The following SPATA6 variants were observed in gnomAD, a reference collection of about 807,000 sequenced individuals.
SPATA6 encodes the protein spermatogenesis-associated protein 6.
Under a neutral mutation model 65.3 loss-of-function variants are expected in SPATA6, and 56 were observed. The observed-to-expected ratio is 0.86, with a 90% CI of 0.69 to 1.07. The LOEUF (loss-of-function observed/expected upper bound fraction) is 1.07. Ranked by LOEUF, SPATA6 falls within the 50% of genes least tolerant of loss-of-function variation. The probability of loss-of-function intolerance (pLI) is 0.00; values close to 1 mark genes in which losing one functional copy is unlikely to be tolerated. For missense variants in SPATA6, 590 were observed against 594.8 expected, an observed-to-expected ratio of 0.99 and a Z score of 0.08; for synonymous variants, 199 against 213.2, an observed-to-expected ratio of 0.93 and a Z score of 0.58.
chr1:48,280,468 CA>C, the SPATA6 span, among the ~76,000 whole-genome samples: 2 of 151,908 alleles, frequency 1.3e-5, no homozygotes, highest in African/African-American at 4.8e-5. Flanking sequence ...AGAGAAGAAT[CA>C]AATAGATGCA....
At chr1:48,462,008 G>A (rs899764211) in intron 1 of SPATA6, among the ~76,000 whole-genome samples, 1 of 152,188 alleles carries the variant, frequency 6.6e-6, no homozygotes, top group Non-Finnish European at 1.5e-5. Context: ...GGCATACTAT[G>A]CAGCCATAAA....
At chr1:48,313,236 T>G (rs1425013516) in intron 11 of SPATA6, among the ~76,000 whole-genome samples, 1 of 152,080 alleles carries the variant, frequency 6.6e-6, no homozygotes, top group African/African-American at 2.4e-5. Flanking sequence ...CCAAGACACA[T>G]AATTGTCAGA....
chr1:48,363,359 T>A (rs1332697784), intron 9 of SPATA6, among the ~76,000 whole-genome samples: 2 of 152,162 alleles, frequency 1.3e-5, no homozygotes, highest in East Asian at 3.9e-4. Flanking sequence ...CTTCAATGTA[T>A]CTTCAATAAT....
the SPATA6 span, among the ~76,000 whole-genome samples, chr1:48,275,611 T>C: frequency 6.6e-6 from 1 of 152,214 alleles, no homozygotes; most frequent in Non-Finnish European, 1.5e-5. Context: ...GTGGTTTTTG[T>C]CATTGTTTCT....
the SPATA6 span, among the ~76,000 whole-genome samples, chr1:48,289,643 A>G: frequency 2.0e-5 from 3 of 152,264 alleles, no homozygotes; most frequent in Non-Finnish European, 4.4e-5. Flanking sequence ...AACAGTGTAG[A>G]GAAGATCTTA....
At chr1:48,391,177 C>T (rs985820169) in intron 8 of SPATA6, among the ~76,000 whole-genome samples, 5 of 131,524 alleles carry the variant, frequency 3.8e-5, no homozygotes, top group African/African-American at 1.4e-4. Context: ...CCAGCCTAGG[C>T]AACATGGTGA....
chr1:48,354,796 A>C (rs1483039045), intron 11 of SPATA6, among the ~76,000 whole-genome samples: 2 of 151,798 alleles, frequency 1.3e-5, no homozygotes, highest in Non-Finnish European at 2.9e-5. Flanking sequence ...AGGAAACAAG[A>C]GGGGCTTCTG....
chr1:48,436,083 G>T (rs1199883090), intron 3 of SPATA6: 1 of 1,609,758 alleles, frequency 6.2e-7, no homozygotes, highest in Non-Finnish European at 8.5e-7. Context: ...CCCTTTCCTG[G>T]TCACCTCCAT....
intron 11 of SPATA6, among the ~76,000 whole-genome samples, chr1:48,324,014 A>G (rs1202908572): frequency 6.6e-6 from 1 of 152,078 alleles, no homozygotes; most frequent in Non-Finnish European, 1.5e-5. Flanking sequence ...CAGCGGTGTG[A>G]TCACAGCTCA....
Position 48,392,063 on chromosome 1 carries a change from T to C in SPATA6, c.868+3204A>G, listed in dbSNP as rs77527292. Among the ~76,000 whole-genome samples the C allele has an allele frequency of 7.1e-3, 1,078 of 152,286 alleles. 18 individuals are homozygous for C. Among genetic ancestry groups the C allele is most frequent in the African/African-American group, 0.024 (1,017 of 41,570 alleles). ...AATGAGGCTGTCCATGATGACTACATGCTATTTTATTCAGAAAATATTAAA... is the reference window on the plus strand; with the variant it reads ...AATGAGGCTGTCCATGATGACTACACGCTATTTTATTCAGAAAATATTAAA... On this transcript the variant is annotated intron_variant, in intron 8 of 12. Transcript: ENST00000371847.
At chr1:48,347,533 TA>T (rs1273509651) in intron 11 of SPATA6, among the ~76,000 whole-genome samples, 2 of 146,530 alleles carry the variant, frequency 1.4e-5, no homozygotes, top group African/African-American at 5.0e-5. Flanking sequence ...AAATTAATTA[TA>T]GTAATTAATT....
the SPATA6 span, among the ~76,000 whole-genome samples, chr1:48,273,349 T>C: frequency 1.3e-5 from 2 of 152,094 alleles, no homozygotes; most frequent in East Asian, 3.9e-4. Context: ...CCAAACATCA[T>C]TTTTTTTATT....
the SPATA6 span, among the ~76,000 whole-genome samples, chr1:48,270,601 T>C: frequency 0.32 from 48,079 of 151,698 alleles, 9,079 homozygotes; most frequent in Middle Eastern, 0.45. Flanking sequence ...TACACAGATA[T>C]GTTGTGAAAA....
At chr1:48,348,806 T>G (rs1646439647) in intron 11 of SPATA6, among the ~76,000 whole-genome samples, 1 of 152,134 alleles carries the variant, frequency 6.6e-6, no homozygotes, top group East Asian at 1.9e-4. Context: ...AAACATGAAT[T>G]AAAGCTTATC....
chr1:48,291,270 G>T (rs1027118522), downstream of SPATA6, among the ~76,000 whole-genome samples: 1 of 152,192 alleles, frequency 6.6e-6, no homozygotes. Flanking sequence ...GGAGGATCAG[G>T]TGGTAGGCAG....
the SPATA6 span, among the ~76,000 whole-genome samples, chr1:48,274,515 G>A: frequency 6.6e-6 from 1 of 152,062 alleles, no homozygotes; most frequent in African/African-American, 2.4e-5. Context: ...GTTAATTTTT[G>A]TATAAGGTAT....
At chr1:48,461,126 T>C (rs1275761162) in intron 1 of SPATA6, among the ~76,000 whole-genome samples, 2 of 152,210 alleles carry the variant, frequency 1.3e-5, no homozygotes, top group Admixed American at 1.3e-4. Context: ...TTTGGCTACA[T>C]AAATGTCTTC....
intron 8 of SPATA6, among the ~76,000 whole-genome samples, chr1:48,394,740 G>C (rs538206219): frequency 6.6e-6 from 1 of 151,298 alleles, no homozygotes; most frequent in Non-Finnish European, 1.5e-5. Context: ...AGGCTGCTAG[G>C]GAATACTTGT....
intron 12 of SPATA6, among the ~76,000 whole-genome samples, chr1:48,304,207 G>A (rs758869601): frequency 2.0e-5 from 3 of 152,106 alleles, no homozygotes; most frequent in Non-Finnish European, 4.4e-5. Flanking sequence ...CTTCTGAAAG[G>A]TCTTGAAGGA....
Sources: gnomAD v4.1 joint callset for allele counts (sites outside exome capture counted in the v4.1 genomes callset) on GRCh38, gnomAD v4.1.1 for gene constraint, MANE v1.5 for transcripts, NCBI Gene and HGNC (gene_info 2026-07-23, HGNC 2026-07-21) for gene names.